EPHA10: variants seen among roughly 807,000 people sequenced by gnomAD.
EPHA10 encodes the protein ephrin type-A receptor 10.
A neutral mutation model predicts 109.7 loss-of-function variants in EPHA10; 120 were observed. The observed-to-expected ratio is 1.09, with a 90% CI of 0.94 to 1.27. The LOEUF (loss-of-function observed/expected upper bound fraction) is 1.27, where lower values mean the gene tolerates loss of function less well. Ranked by LOEUF, EPHA10 falls within the 50% of genes most tolerant of loss-of-function variation. The pLI is 0.00. For synonymous variants in EPHA10, 640 were observed against 618.9 expected, an observed-to-expected ratio of 1.03 and a Z score of -0.51; for missense variants, 1,396 against 1,411.1, an observed-to-expected ratio of 0.99 and a Z score of 0.17.
intron 5 of EPHA10, among the ~76,000 whole-genome samples, chr1:37,751,218 G>A (rs78426712): frequency 0.32 from 29,822 of 94,072 alleles, 4,736 homozygotes; most frequent in East Asian, 0.37. Flanking sequence ...AAAAAAAAAA[G>A]AAAGAAAGAA....
intron 3 of EPHA10, 61 bp downstream of exon 3, chr1:37,761,344 C>T (rs768081447): frequency 9.1e-5 from 143 of 1,568,602 alleles, no homozygotes; most frequent in Non-Finnish European, 1.2e-4. Context: ...AGGGCACACT[C>T]TCTCTCAATT....
rs868109810 is a variant in EPHA10, at chr1:37,743,859, C to T, written c.1358-8469G>A. Among the ~76,000 whole-genome samples, 18 of 151,882 alleles carry T rather than the reference C, an allele frequency of 1.2e-4. No individual in the cohort carries two copies. The South Asian group carries it at 2.9e-3, about 25-fold the overall frequency. ...TAATAAGCCCAATGGGACATAAGCC[C>T]GTCATTAAGTTGAGGAACATCTGTG... On this transcript the variant is annotated intron_variant, in intron 5 of 16. Transcript: ENST00000373048.
intron 5 of EPHA10, among the ~76,000 whole-genome samples, chr1:37,737,078 C>T (rs1044373692): frequency 6.6e-6 from 1 of 151,920 alleles, no homozygotes; most frequent in African/African-American, 2.4e-5. Flanking sequence ...GCATTTTTTG[C>T]AGAAATAGAA....
At chr1:37,742,522 T>C (rs1395643012) in intron 5 of EPHA10, among the ~76,000 whole-genome samples, 1 of 152,202 alleles carries the variant, frequency 6.6e-6, no homozygotes, top group African/African-American at 2.4e-5. Context: ...GGATGTGATG[T>C]CTGGAGCTGC....
chr1:37,735,308 G>A lies in EPHA10; in HGVS notation c.1440C>T (p.Ala480=), dbSNP rs772349021. The A allele has an allele frequency of 3.1e-5, 49 of 1,559,986 alleles. No homozygotes were observed. The highest frequency in any genetic ancestry group is 1.7e-4 in the Middle Eastern group (1 of 6,022). ...CCGTGTCATTGGCCCCAGGGGCTCC[G>A]GCAGGGATGGGCTCCCGCCACGACA... ...VSLSWREPIP[A]GAPGANDTEY... is the part of the protein sequence containing the mutation. Residue 480 remains alanine, a synonymous_variant, in exon 6 of 17, where the codon GCC becomes GCT. Transcript: ENST00000373048.
chr1:37,727,029 G>A, intron 8 of EPHA10, 73 bp downstream of exon 8: 1 of 1,212,426 alleles, frequency 8.2e-7, no homozygotes, highest in Admixed American at 2.2e-5. Flanking sequence ...GGGCAGAGAT[G>A]CCTGTGAGCA....
At chr1:37,732,068 A>G (rs1037245618) in intron 6 of EPHA10, among the ~76,000 whole-genome samples, 1 of 152,220 alleles carries the variant, frequency 6.6e-6, no homozygotes, top group African/African-American at 2.4e-5. Context: ...GAGGACAGAA[A>G]GTATTATCTT....
chr1:37,716,732 C>A lies in EPHA10; in HGVS notation c.*1640G>T, dbSNP rs769157479. On this transcript the variant is annotated 3_prime_UTR_variant, in exon 17 of 17. Transcript: ENST00000373048. ...CTGCATGGACTCCTTTTGTCCGAGGCCTGCCATCTTGCCTGCCGAAAACTC... is the reference window on the plus strand; with the variant it reads ...CTGCATGGACTCCTTTTGTCCGAGGACTGCCATCTTGCCTGCCGAAAACTC... The A allele has an allele frequency of 2.6e-5, 6 of 232,874 alleles. No homozygotes were observed. The highest frequency in any genetic ancestry group is 5.1e-5 in the Non-Finnish European group (6 of 117,940). 14.4% of individuals were successfully genotyped at this position (232,874 alleles called of 1,614,324 possible). A position where few individuals can be genotyped will look rare whatever the true frequency, so the allele number is the denominator to read the frequency against.
chr1:37,760,418 C>T, intron 3 of EPHA10: 1 of 1,055,858 alleles, frequency 9.5e-7, no homozygotes, highest in South Asian at 4.6e-5. Context: ...CCAGCAAAAC[C>T]CTCAACATGA....
Position 37,728,506 on chromosome 1 carries a change from T to C in EPHA10, c.1664-1296A>G, listed in dbSNP as rs560723455. The stretch of plus-strand genomic sequence containing the variant: ...ACTGAGATTGGAAAGTACACCTCTT[T>C]AGGCAGCTTCCGCGTGGGACACAGG... On this transcript the variant is annotated intron_variant, in intron 7 of 16. Transcript: ENST00000373048. 3.3e-5 allele frequency among the ~76,000 whole-genome samples: 5 copies of C among 152,254 alleles called. No homozygotes were observed. The East Asian group carries it at 9.6e-4, about 29-fold the overall frequency.
intron 5 of EPHA10, among the ~76,000 whole-genome samples, chr1:37,744,198 A>T (rs548431583): frequency 2.0e-5 from 3 of 152,234 alleles, no homozygotes; most frequent in East Asian, 3.9e-4. Context: ...AGAAGAAATA[A>T]ATAAATTTGA....
At position 37,754,536 on chromosome 1, in the gene EPHA10, C is replaced by T. The variant is rs914798701; in HGVS notation, c.851-166G>A. Among the ~76,000 whole-genome samples, 5 of 152,156 alleles carry T rather than the reference C, an allele frequency of 3.3e-5. No homozygotes were observed. Among genetic ancestry groups the T allele is most frequent in the Admixed American group, 3.3e-4 (5 of 15,284 alleles). On this transcript the variant is annotated intron_variant, in intron 3 of 16. Transcript: ENST00000373048. This position sits in a 1 kb window ranked among gnomAD's most constrained non-coding sequence, Gnocchi z 4.5. ...CCCCGTGGAGTGACTCCTGAACAAC[C>T]CATTACCTACCCTTAGAAAACGCTG...
intron 5 of EPHA10, among the ~76,000 whole-genome samples, chr1:37,739,960 G>A (rs1235731025): frequency 6.6e-6 from 1 of 152,042 alleles, no homozygotes; most frequent in Non-Finnish European, 1.5e-5. Flanking sequence ...TGGGCATGGT[G>A]TCACACACCT....
chr1:37,735,144 A>G, intron 6 of EPHA10, 113 bp downstream of exon 6: 2 of 1,381,780 alleles, frequency 1.4e-6, no homozygotes, highest in Non-Finnish European at 2.0e-6. Flanking sequence ...ACGGGTGGTT[A>G]TGTTTACAAA....
intron 5 of EPHA10, among the ~76,000 whole-genome samples, chr1:37,740,174 A>G (rs1400897131): frequency 4.6e-5 from 7 of 152,192 alleles, no homozygotes; most frequent in Non-Finnish European, 1.5e-5. Flanking sequence ...ATGGGTTAAG[A>G]TGATACATTT....
chr1:37,716,592 T>C lies in EPHA10; in HGVS notation c.*1780A>G. 1 of 232,884 alleles carries C rather than the reference T, an allele frequency of 4.3e-6. No homozygotes were observed. The highest frequency in any genetic ancestry group is 2.2e-5 in the African/African-American group (1 of 45,360). 14.4% of individuals were successfully genotyped at this position (232,884 alleles called of 1,614,324 possible). On this transcript the variant is annotated 3_prime_UTR_variant, in exon 17 of 17. Coordinates refer to ENST00000373048, the MANE Select transcript of EPHA10 (RefSeq NM_001099439.2). ...GAGATTCCAAGAGCAGGGGAGCTGC[T>C]GCTGGCAGGGTAAGGCCAAAGGCAC... is the stretch of plus-strand genomic sequence containing the variant.
intron 3 of EPHA10, chr1:37,760,455 T>G: frequency 9.5e-7 from 1 of 1,054,282 alleles, no homozygotes; most frequent in Non-Finnish European, 1.1e-6. Flanking sequence ...AGCACAGTGA[T>G]TGTAGTTCAG....
chr1:37,760,221 G>A, intron 3 of EPHA10: 1 of 972,170 alleles, frequency 1.0e-6, no homozygotes. Flanking sequence ...TTGAGAGCTA[G>A]GACTATGTCT....
Position 37,762,094 on chromosome 1 carries a change from G to A in EPHA10, c.172-11C>T, listed in dbSNP as rs1029568630. The A allele has an allele frequency of 6.4e-7, 1 of 1,562,972 alleles. No individual in the cohort carries two copies. The highest frequency in any genetic ancestry group is 8.7e-7 in the Non-Finnish European group (1 of 1,153,096). On this transcript the variant is annotated splice_polypyrimidine_tract_variant and intron_variant, in intron 2 of 16. Coordinates refer to ENST00000373048, the MANE Select transcript of EPHA10 (RefSeq NM_001099439.2). ...GCTGATCTCCTCCCACTGGGGACAA[G>A]AGTAAAGGGGTGGGCAGCCCAGAGC...
Sources: allele counts gnomAD v4.1 joint callset (sites outside exome capture counted in the v4.1 genomes callset), GRCh38; gene constraint gnomAD v4.1.1; non-coding constraint Gnocchi (gnomAD v3.1); transcripts MANE v1.5; gene names NCBI Gene and HGNC (gene_info 2026-07-23, HGNC 2026-07-21).